PREPL: variants seen among roughly 807,000 people sequenced by gnomAD.
The protein encoded by PREPL is prolyl endopeptidase-like.
A neutral mutation model predicts 70.6 loss-of-function variants in PREPL; 77 were observed. That is an observed-to-expected ratio of 1.09 (90% CI 0.91 to 1.32). The LOEUF is 1.32. PREPL is among the 40% of genes most tolerant of loss of function. The probability of loss-of-function intolerance (pLI) is 0.00; values close to 1 mark genes in which losing one functional copy is unlikely to be tolerated. For synonymous variants in PREPL, 315 were observed against 264.8 expected, an observed-to-expected ratio of 1.19 and a Z score of -1.84; for missense variants, 1,002 against 778.2, an observed-to-expected ratio of 1.29 and a Z score of -3.42.
At chr2:44,341,721 T>C (rs1053880442) in intron 5 of PREPL, among the ~76,000 whole-genome samples, 4 of 151,700 alleles carry the variant, frequency 2.6e-5, no homozygotes, top group South Asian at 4.1e-4. Context: ...TAATGCTTAT[T>C]ACAAAAAGAA....
At chr2:44,360,173 T>A (rs1677538336) in intron 1 of PREPL, 1 of 152,792 alleles carries the variant, frequency 6.5e-6, no homozygotes, top group Non-Finnish European at 1.5e-5. Flanking sequence ...AACGTATCTT[T>A]GGTATATATG....
intron 5 of PREPL, among the ~76,000 whole-genome samples, chr2:44,340,392 G>T (rs1675085179): frequency 6.6e-6 from 1 of 151,812 alleles, no homozygotes; most frequent in African/African-American, 2.4e-5. Flanking sequence ...CATAATGAGT[G>T]GCTTTAAATG....
intron 1 of PREPL, among the ~76,000 whole-genome samples, chr2:44,349,714 C>G (rs897538556): frequency 6.6e-6 from 1 of 152,024 alleles, no homozygotes; most frequent in African/African-American, 2.4e-5. Flanking sequence ...CCTGTAATCT[C>G]GGCACTTCGG....
chr2:44,359,625 A>G (rs767240743), intron 1 of PREPL: 5 of 1,611,590 alleles, frequency 3.1e-6, no homozygotes, highest in South Asian at 2.2e-5. Flanking sequence ...GCGAAGTTAT[A>G]GTGATTCAAA....
intron 8 of PREPL, among the ~76,000 whole-genome samples, chr2:44,330,015 GAC>G (rs1163177668): frequency 1.3e-5 from 2 of 152,144 alleles, no homozygotes; most frequent in African/African-American, 2.4e-5. Flanking sequence ...AATAACTGGA[GAC>G]AGCAAAATGT....
chr2:44,359,436 T>C (rs1375418964), intron 1 of PREPL: 1 of 1,270,026 alleles, frequency 7.9e-7, no homozygotes, highest in East Asian at 2.4e-5. Context: ...ACCCATTCTT[T>C]ATTTTTAAAT....
At chr2:44,356,416 G>A (rs1422991484) in intron 1 of PREPL, 1 of 152,170 alleles carries the variant, frequency 6.6e-6, no homozygotes, top group Non-Finnish European at 1.5e-5. Context: ...CATGGTGGTG[G>A]ACGCCTGTAA....
intron 1 of PREPL, among the ~76,000 whole-genome samples, chr2:44,355,258 G>A (rs1676901530): frequency 6.6e-6 from 1 of 152,182 alleles, no homozygotes. Context: ...CAAATAAAAT[G>A]TAATCAGGGC....
chr2:44,339,932 A>C (rs1675031972), intron 5 of PREPL, among the ~76,000 whole-genome samples: 1 of 152,118 alleles, frequency 6.6e-6, no homozygotes, highest in Non-Finnish European at 1.5e-5. Flanking sequence ...AACCCCTCAC[A>C]ATCTTACTAA....
chr2:44,317,999 C>T lies in PREPL; in HGVS notation c.*3357G>A. 1 of 341,598 alleles carries T rather than the reference C, an allele frequency of 2.9e-6. No homozygotes were observed. Among genetic ancestry groups the T allele is most frequent in the Non-Finnish European group, 5.8e-6 (1 of 171,980 alleles). 21.2% of individuals were successfully genotyped at this position (341,598 alleles called of 1,614,324 possible). On this transcript the variant is annotated 3_prime_UTR_variant, in exon 14 of 14. Transcript: ENST00000409411. ...TGCAACCCAGCTATAGCTATAAACA[C>T]AAAAAATGAAGTTATCTTTTGACCT... is the stretch of plus-strand genomic sequence containing the variant.
intron 1 of PREPL, among the ~76,000 whole-genome samples, chr2:44,356,578 G>A (rs1321384415): frequency 6.6e-6 from 1 of 152,034 alleles, no homozygotes; most frequent in East Asian, 1.9e-4. Flanking sequence ...CAACAGATGT[G>A]TAGGCCTCAA....
chr2:44,330,517 G>A (rs1037265215), intron 8 of PREPL, among the ~76,000 whole-genome samples: 2 of 152,214 alleles, frequency 1.3e-5, no homozygotes, highest in Non-Finnish European at 2.9e-5. Flanking sequence ...TCTAAGAGGT[G>A]CAGCAAGCAA....
chr2:44,319,510 T>C lies in PREPL; in HGVS notation c.*1846A>G, dbSNP rs1053354307. On this transcript the variant is annotated 3_prime_UTR_variant, in exon 14 of 14. Coordinates refer to ENST00000409411, the MANE Select transcript of PREPL (RefSeq NM_001171613.2). The stretch of plus-strand genomic sequence containing the variant: ...ATTAAAAACATTTATGGAGGCTATA[T>C]TATATAGTCAATAACAGAAAATGCT... 1 of 152,276 alleles carries C rather than the reference T, an allele frequency of 6.6e-6. No homozygotes were observed. Among genetic ancestry groups the C allele is most frequent in the East Asian group, 1.9e-4 (1 of 5,206 alleles). The allele number at this position is 152,276 out of a possible 1,614,324, so 9.4% of individuals were successfully genotyped here.
chr2:44,326,949 AG>A (rs1261374513), intron 9 of PREPL, 21 bp from the exon 10 acceptor site: 1 of 1,607,190 alleles, frequency 6.2e-7, no homozygotes, highest in Non-Finnish European at 8.5e-7. Context: ...AGGGCAAAAA[AG>A]TTTTAGTGGA....
intron 2 of PREPL, 71 bp from the exon 3 acceptor site, chr2:44,344,657 T>A: frequency 8.5e-7 from 1 of 1,179,766 alleles, no homozygotes; most frequent in African/African-American, 1.6e-5. Context: ...CTATTCAAGA[T>A]GAAGATGAAA....
Position 44,317,984 on chromosome 2 carries a change from C to T in PREPL, c.*3372G>A. The T allele has an allele frequency of 3.3e-6, 1 of 303,956 alleles. No individual in the cohort carries two copies. The highest frequency in any genetic ancestry group is 6.6e-6 in the Non-Finnish European group (1 of 152,058). The allele number at this position is 303,956 out of a possible 1,614,324, so 18.8% of individuals were successfully genotyped here. ...AAATAATAGAAAGCTTGCAACCCAG[C>T]TATAGCTATAAACACAAAAAATGAA... On this transcript the variant is annotated 3_prime_UTR_variant, in exon 14 of 14. Coordinates refer to ENST00000409411, the MANE Select transcript of PREPL (RefSeq NM_001171613.2).
At chr2:44,344,043 T>C (rs1235330905) in intron 3 of PREPL, 92 bp from the exon 4 acceptor site, 20 of 1,421,798 alleles carry the variant, frequency 1.4e-5, no homozygotes, top group South Asian at 2.9e-5. Context: ...AGAATTCCCA[T>C]TCTGTAAGAG....
Position 44,321,458 on chromosome 2 carries a change from C to A in PREPL, c.1828-13G>T, listed in dbSNP as rs369498951. ...TTTGGGCTGTAATCTAAAAGAAACACATTAAAAAAATTAAATAGAAGGCCT... is the reference window on the plus strand; with the variant it reads ...TTTGGGCTGTAATCTAAAAGAAACAAATTAAAAAAATTAAATAGAAGGCCT... On this transcript the variant is annotated splice_polypyrimidine_tract_variant and intron_variant, in intron 13 of 13. Transcript: ENST00000409411. 6 of 1,608,406 alleles carry A rather than the reference C, an allele frequency of 3.7e-6. No individual in the cohort carries two copies. The highest frequency in any genetic ancestry group is 3.4e-5 in the Admixed American group (2 of 59,656).
intron 1 of PREPL, among the ~76,000 whole-genome samples, chr2:44,355,550 A>G (rs1348864394): frequency 2.0e-5 from 3 of 152,086 alleles, no homozygotes; most frequent in African/African-American, 7.2e-5. Context: ...CACTGTCTCA[A>G]AAAAAAGCAA....
Sources: allele counts gnomAD v4.1 joint callset (sites outside exome capture counted in the v4.1 genomes callset), GRCh38; gene constraint gnomAD v4.1.1; transcripts MANE v1.5; gene names NCBI Gene and HGNC (gene_info 2026-07-23, HGNC 2026-07-21).